RAB28: variants seen among roughly 807,000 people sequenced by gnomAD.
RAB28 encodes the protein ras-related protein Rab-28.
RAB28 carries 24 observed loss-of-function variants against 31.7 expected under a neutral mutation model. The observed-to-expected ratio is 0.76, with a 90% CI of 0.55 to 1.06. The LOEUF (loss-of-function observed/expected upper bound fraction) is 1.06, where lower values mean the gene tolerates loss of function less well. Among genes scored for constraint, RAB28 ranks in the 50% least tolerant of loss-of-function variants. The pLI is 0.00. For synonymous variants in RAB28, 100 were observed against 90.4 expected, an observed-to-expected ratio of 1.11 and a Z score of -0.60; for missense variants, 254 against 258.5, an observed-to-expected ratio of 0.98 and a Z score of 0.12.
chr4:13,447,559 T>C (rs572495965), intron 4 of RAB28, among the ~76,000 whole-genome samples: 1 of 152,268 alleles, frequency 6.6e-6, no homozygotes, highest in Non-Finnish European at 1.5e-5. Context: ...CAGAAAACAA[T>C]GTCACATAAA....
chr4:13,459,562 T>C (rs933417602), intron 4 of RAB28, among the ~76,000 whole-genome samples: 2 of 152,140 alleles, frequency 1.3e-5, no homozygotes, highest in African/African-American at 4.8e-5. Flanking sequence ...AAACCAGTCA[T>C]GTACTGAGTT....
At chr4:13,403,909 G>A (rs560460526) in intron 4 of RAB28, among the ~76,000 whole-genome samples, 2 of 152,072 alleles carry the variant, frequency 1.3e-5, no homozygotes, top group Non-Finnish European at 2.9e-5. Context: ...TTTTAGAAAA[G>A]TTTTTAAATT....
At chr4:13,372,319 A>G (rs1486198959) in intron 6 of RAB28, among the ~76,000 whole-genome samples, 2 of 152,132 alleles carry the variant, frequency 1.3e-5, no homozygotes, top group East Asian at 1.9e-4. Context: ...TAAAAAGCAT[A>G]GTACTTTGCA....
chr4:13,381,953 G>A lies in RAB28; in HGVS notation c.392-359C>T, dbSNP rs74629973. ...TACTTAATATAGTACATTTAAACAT[G>A]GTGATTAATTGAAGGCAAGTTGTAC... On this transcript the variant is annotated intron_variant, in intron 4 of 6. Coordinates refer to ENST00000330852, the MANE Select transcript of RAB28 (RefSeq NM_001017979.3). Among the ~76,000 whole-genome samples, 695 of 152,240 alleles carry A rather than the reference G, an allele frequency of 4.6e-3. 6 individuals carry two copies. Among genetic ancestry groups the A allele is most frequent in the African/African-American group, 0.016 (662 of 41,552 alleles).
chr4:13,445,929 C>A (rs1577222286), intron 4 of RAB28, among the ~76,000 whole-genome samples: 1 of 152,202 alleles, frequency 6.6e-6, no homozygotes, highest in East Asian at 1.9e-4. Flanking sequence ...CTCTTCAAAG[C>A]CAGCAGGCAG....
chr4:13,389,778 C>G (rs529232303), intron 4 of RAB28, among the ~76,000 whole-genome samples: 5 of 152,020 alleles, frequency 3.3e-5, no homozygotes, highest in African/African-American at 9.6e-5. Flanking sequence ...CTGAATCTAC[C>G]TTCACATAAA....
chr4:13,434,654 A>G (rs1489190063), intron 4 of RAB28, among the ~76,000 whole-genome samples: 7 of 152,192 alleles, frequency 4.6e-5, no homozygotes, highest in Non-Finnish European at 1.0e-4. Flanking sequence ...GCTTGGTCAT[A>G]AAGTCTCAAA....
chr4:13,410,879 A>C (rs1377473447), intron 4 of RAB28, among the ~76,000 whole-genome samples: 4 of 152,180 alleles, frequency 2.6e-5, no homozygotes, highest in African/African-American at 4.8e-5. Context: ...TGTCTGTGGC[A>C]GCTCAAATGC....
intron 3 of RAB28, among the ~76,000 whole-genome samples, chr4:13,464,325 TA>T (rs1398241098): frequency 6.6e-6 from 1 of 152,008 alleles, no homozygotes; most frequent in Non-Finnish European, 1.5e-5. Flanking sequence ...GCATTATCCA[TA>T]AAAAAGGCAT....
chr4:13,469,845 T>A (rs1436520701), intron 3 of RAB28, among the ~76,000 whole-genome samples: 2 of 152,004 alleles, frequency 1.3e-5, no homozygotes, highest in Admixed American at 6.6e-5. Flanking sequence ...TGTACCACAG[T>A]GCCCAGCTAA....
intron 6 of RAB28, among the ~76,000 whole-genome samples, chr4:13,372,986 T>C (rs181032357): frequency 6.6e-6 from 1 of 152,236 alleles, no homozygotes; most frequent in African/African-American, 2.4e-5. Flanking sequence ...AAATTTTTGG[T>C]ATTTTAAAAA....
At chr4:13,400,160 C>T (rs528832874) in intron 4 of RAB28, among the ~76,000 whole-genome samples, 54 of 152,226 alleles carry the variant, frequency 3.5e-4, no homozygotes, top group African/African-American at 1.3e-3. Context: ...CTATAATATC[C>T]AAGTTCCACT....
intron 4 of RAB28, among the ~76,000 whole-genome samples, chr4:13,443,572 T>C (rs1475566141): frequency 2.0e-5 from 3 of 152,176 alleles, no homozygotes; most frequent in Non-Finnish European, 4.4e-5. Flanking sequence ...GACATAAAAA[T>C]TGTATATATT....
chr4:13,423,657 C>G (rs1372400214), intron 4 of RAB28, among the ~76,000 whole-genome samples: 1 of 152,158 alleles, frequency 6.6e-6, no homozygotes, highest in African/African-American at 2.4e-5. Flanking sequence ...TGAGCTTCAA[C>G]AGACACTGTA....
chr4:13,479,344 C>G, intron 2 of RAB28, 86 bp downstream of exon 2: 1 of 948,498 alleles, frequency 1.1e-6, no homozygotes, highest in Non-Finnish European at 1.6e-6. Flanking sequence ...AGAAGCAGCC[C>G]CAAAATTTTA....
At chr4:13,409,110 T>C (rs1712271783) in intron 4 of RAB28, among the ~76,000 whole-genome samples, 1 of 152,290 alleles carries the variant, frequency 6.6e-6, no homozygotes, top group East Asian at 1.9e-4. Flanking sequence ...TAAAATCTCA[T>C]GTGGGGTCAA....
chr4:13,481,449 C>A (rs974824563), intron 1 of RAB28, among the ~76,000 whole-genome samples: 8 of 151,944 alleles, frequency 5.3e-5, no homozygotes, highest in African/African-American at 1.9e-4. Context: ...TGTATAAATA[C>A]CCTTCTTAAT....
chr4:13,374,538 C>G (rs1392000377), intron 6 of RAB28, among the ~76,000 whole-genome samples: 1 of 147,398 alleles, frequency 6.8e-6, no homozygotes, highest in Non-Finnish European at 1.5e-5. Context: ...ACCTGTGAAG[C>G]ACCAGCCCAC....
intron 4 of RAB28, 29 bp downstream of exon 4, chr4:13,460,670 C>T: frequency 6.2e-7 from 1 of 1,613,200 alleles, no homozygotes; most frequent in Non-Finnish European, 8.5e-7. Flanking sequence ...GTAAACTGTA[C>T]CATACATAAA....
Sources: allele counts gnomAD v4.1 joint callset (sites outside exome capture counted in the v4.1 genomes callset), GRCh38; gene constraint gnomAD v4.1.1; transcripts MANE v1.5; gene names NCBI Gene and HGNC (gene_info 2026-07-23, HGNC 2026-07-21).